ASIC2: variants seen among roughly 807,000 people sequenced by gnomAD.
ASIC2 encodes the protein acid sensing ion channel subunit 2.
ASIC2 carries 25 observed loss-of-function variants against 57.3 expected under a neutral mutation model. That is an observed-to-expected ratio of 0.44 (90% confidence interval 0.32 to 0.61). ASIC2 has a LOEUF of 0.61. Ranked by LOEUF, ASIC2 falls within the 20% of genes least tolerant of loss-of-function variation. The pLI, the probability that ASIC2 is intolerant of heterozygous loss-of-function variation, is 0.06. For synonymous variants in ASIC2, 319 were observed against 307.5 expected (o/e 1.04, Z -0.39); for missense variants, 641 against 738.1 (o/e 0.87, Z 1.52).
At chr17:33,696,446 G>A (rs959115474) in intron 1 of ASIC2, among the ~76,000 whole-genome samples, 3 of 152,208 alleles carry the variant, frequency 2.0e-5, no homozygotes, top group Admixed American at 6.5e-5. Context: ...GGCTGATAAG[G>A]TTCTTTTCTT....
intron 1 of ASIC2, among the ~76,000 whole-genome samples, chr17:33,121,052 G>T (rs557974967): frequency 6.6e-6 from 1 of 152,196 alleles, no homozygotes; most frequent in Non-Finnish European, 1.5e-5. Context: ...GATCAAAAGG[G>T]GTATAATGGG....
chr17:33,181,771 A>C lies in ASIC2; in HGVS notation c.709-69704T>G, dbSNP rs1195569863. Among the ~76,000 whole-genome samples, 7 of 152,308 alleles carry C rather than the reference A, an allele frequency of 4.6e-5. No individual in the cohort carries two copies. The East Asian group carries it at 1.3e-3, about 29-fold the overall frequency. ...AATAAGGCCCTATTCACACACAGGTACCAGGGGCAAGGACTTGGAGATATC... is the reference window on the plus strand; with the variant it reads ...AATAAGGCCCTATTCACACACAGGTCCCAGGGGCAAGGACTTGGAGATATC... On this transcript the variant is annotated intron_variant, in intron 1 of 9. Transcript: ENST00000225823.
chr17:33,789,938 T>C lies in ASIC2; in HGVS notation c.555+366040A>G, dbSNP rs573000248. 4.6e-5 allele frequency among the ~76,000 whole-genome samples: 7 copies of C among 152,308 alleles called. No homozygotes were observed. The South Asian group carries it at 8.3e-4, about 18-fold the overall frequency. On this transcript the variant is annotated intron_variant, in intron 1 of 9. Transcript: ENST00000359872. Reference sequence around the variant, plus strand: ...TTATATGAATAAGTCCTATAGCATCTAGTGCAGAATGACGTGGGTCATAGA... The same window carrying C: ...TTATATGAATAAGTCCTATAGCATCCAGTGCAGAATGACGTGGGTCATAGA...
chr17:33,999,068 T>C (rs184285938), intron 1 of ASIC2, among the ~76,000 whole-genome samples: 4 of 152,300 alleles, frequency 2.6e-5, no homozygotes, highest in Admixed American at 6.5e-5. Context: ...ATATTTATAA[T>C]TGCTATATAC....
intron 1 of ASIC2, among the ~76,000 whole-genome samples, chr17:33,756,423 C>T (rs1910605974): frequency 6.6e-6 from 1 of 152,230 alleles, no homozygotes; most frequent in Non-Finnish European, 1.5e-5. Flanking sequence ...GAAATAAGTT[C>T]CCATATACAC....
At chr17:34,092,282 T>G (rs1225439549) in intron 1 of ASIC2, among the ~76,000 whole-genome samples, 2 of 152,134 alleles carry the variant, frequency 1.3e-5, no homozygotes, top group Non-Finnish European at 2.9e-5. Flanking sequence ...GAAGGCAAAG[T>G]GGTATTGGCC....
At chr17:33,288,355 A>T (rs1368247001) in intron 1 of ASIC2, among the ~76,000 whole-genome samples, 1 of 152,120 alleles carries the variant, frequency 6.6e-6, no homozygotes, top group African/African-American at 2.4e-5. Context: ...TTACAGCAGC[A>T]GCGGAAACCA....
chr17:34,124,800 C>T (rs537576241), intron 1 of ASIC2, among the ~76,000 whole-genome samples: 3 of 151,916 alleles, frequency 2.0e-5, no homozygotes, highest in Non-Finnish European at 4.4e-5. Flanking sequence ...ACGCTAATGC[C>T]GTCATGGGGT....
intron 1 of ASIC2, among the ~76,000 whole-genome samples, chr17:33,906,781 CT>C (rs1186382277): frequency 2.6e-5 from 4 of 152,184 alleles, no homozygotes; most frequent in Non-Finnish European, 5.9e-5. Context: ...AGTTCTGTGG[CT>C]TTGGCATCAA....
intron 1 of ASIC2, among the ~76,000 whole-genome samples, chr17:33,489,194 C>T (rs1913672729): frequency 6.6e-6 from 1 of 152,132 alleles, no homozygotes; most frequent in Non-Finnish European, 1.5e-5. Context: ...TGACTCCTGC[C>T]CACCCCTGTA....
chr17:33,640,238 T>G (rs1347676256), intron 1 of ASIC2, among the ~76,000 whole-genome samples: 2 of 151,888 alleles, frequency 1.3e-5, no homozygotes, highest in African/African-American at 4.8e-5. Context: ...AAAGCTGCCA[T>G]GGGGGCTGAG....
At chr17:34,095,193 C>T (rs1402896825) in intron 1 of ASIC2, among the ~76,000 whole-genome samples, 1 of 152,140 alleles carries the variant, frequency 6.6e-6, no homozygotes, top group Non-Finnish European at 1.5e-5. Context: ...CCTGGGAGAC[C>T]ATCAGAGGGT....
chr17:33,853,143 G>A (rs1913820867), intron 1 of ASIC2, among the ~76,000 whole-genome samples: 1 of 152,204 alleles, frequency 6.6e-6, no homozygotes, highest in African/African-American at 2.4e-5. Flanking sequence ...TCAGTTACCA[G>A]GTGATGATTG....
intron 1 of ASIC2, among the ~76,000 whole-genome samples, chr17:33,854,567 C>T (rs547817055): frequency 6.6e-6 from 1 of 152,258 alleles, no homozygotes; most frequent in Non-Finnish European, 1.5e-5. Flanking sequence ...GGATACTGCC[C>T]CAGGATTCCC....
At chr17:33,676,605 G>T (rs1907829674) in intron 1 of ASIC2, among the ~76,000 whole-genome samples, 1 of 152,236 alleles carries the variant, frequency 6.6e-6, no homozygotes, top group South Asian at 2.1e-4. Flanking sequence ...TATAAAGGAT[G>T]AGAGAGGTGA....
intron 1 of ASIC2, among the ~76,000 whole-genome samples, chr17:33,325,482 C>A (rs1484883241): frequency 6.6e-6 from 1 of 152,066 alleles, no homozygotes; most frequent in East Asian, 1.9e-4. Context: ...TAAAAGAAGG[C>A]CTGACTGGCT....
intron 1 of ASIC2, among the ~76,000 whole-genome samples, chr17:33,879,279 G>A (rs1281598929): frequency 1.3e-5 from 2 of 152,288 alleles, no homozygotes; most frequent in East Asian, 3.9e-4. Flanking sequence ...AATGTAAATG[G>A]GCTAAATGCT....
chr17:33,084,331 C>G (rs2092125821), intron 3 of ASIC2, among the ~76,000 whole-genome samples: 1 of 152,224 alleles, frequency 6.6e-6, no homozygotes. Flanking sequence ...TTGTTCTCCA[C>G]AGTACTGAGT....
At chr17:33,119,651 C>A (rs2092293820) in intron 1 of ASIC2, among the ~76,000 whole-genome samples, 1 of 152,194 alleles carries the variant, frequency 6.6e-6, no homozygotes, top group South Asian at 2.1e-4. Context: ...TTCACCTGTT[C>A]CTGAAACAGG....
Sources: allele counts gnomAD v4.1 joint callset (sites outside exome capture counted in the v4.1 genomes callset), GRCh38; gene constraint gnomAD v4.1.1; transcripts MANE v1.5; gene names NCBI Gene and HGNC (gene_info 2026-07-23, HGNC 2026-07-21).